LRRC37B: variants seen among roughly 807,000 people sequenced by gnomAD.
The protein encoded by LRRC37B is leucine rich repeat containing 37B.
In LRRC37B, 28 loss-of-function variants were observed where a neutral mutation model predicts 98.3. That is an observed-to-expected ratio of 0.28 (90% CI 0.21 to 0.39). The LOEUF (loss-of-function observed/expected upper bound fraction) is 0.39. Among genes scored for constraint, LRRC37B ranks in the 10% least tolerant of loss-of-function variants. The probability of loss-of-function intolerance (pLI) is 1.00; values close to 1 mark genes in which losing one functional copy is unlikely to be tolerated. For synonymous variants in LRRC37B, 364 were observed against 442.7 expected (o/e 0.82, Z 2.23); for missense variants, 938 against 1,182.7 (o/e 0.79, Z 3.03).
At chr17:32,050,535 A>C (rs528460700) in intron 11 of LRRC37B, 1 of 195,752 alleles carries the variant, frequency 5.1e-6, no homozygotes, top group East Asian at 1.3e-4. Flanking sequence ...AAAAGAGAGA[A>C]GTATTGTCTT....
chr17:32,045,687 T>G lies in LRRC37B; in HGVS notation c.2205-13T>G, dbSNP rs1234652147. On this transcript the variant is annotated splice_polypyrimidine_tract_variant and intron_variant, in intron 7 of 11. Coordinates refer to ENST00000327564, the Ensembl canonical transcript of LRRC37B. ...TTTACCACTAATTTATTGTTTTGTG[T>G]TTTCATCTATAGGATCTTACCTAGC... is the stretch of plus-strand genomic sequence containing the variant. The G allele has an allele frequency of 6.2e-7, 1 of 1,605,172 alleles. No homozygotes were observed. Among genetic ancestry groups the G allele is most frequent in the Non-Finnish European group, 8.5e-7 (1 of 1,179,414 alleles).
chr17:32,039,873 C>T (rs1455145817), intron 7 of LRRC37B: 1 of 152,046 alleles, frequency 6.6e-6, no homozygotes, highest in Non-Finnish European at 1.5e-5. Flanking sequence ...CCTCAGCCTC[C>T]TACAGCATCT....
Position 32,021,996 on chromosome 17 carries a change from G to GC in LRRC37B, c.935dup (p.Ala313SerfsTer38). ...CCAGTCCTCTTCACTCCAGGAAGAA[G>GC]CCCCAGCGCAGCTTCTACAGCTCCC... On this transcript the variant is annotated frameshift_variant, in exon 1 of 12. Transcript: ENST00000327564. LOFTEE classifies it high-confidence loss of function. 6.2e-7 allele frequency: 1 copy of GC among 1,614,044 alleles called. No individual in the cohort carries two copies. The highest frequency in any genetic ancestry group is 8.5e-7 in the Non-Finnish European group (1 of 1,179,980).
exon 1 of LRRC37B, chr17:32,021,888 C>T (rs778010939): frequency 4.3e-6 from 7 of 1,614,164 alleles, no homozygotes; most frequent in East Asian, 2.2e-5. Flanking sequence ...CGCAGATGAG[C>T]CTCCAGGGCC....
chr17:32,013,708 A>ATGTG (rs879747437), intron 1 of LRRC37B, among the ~76,000 whole-genome samples: 101 of 130,386 alleles, frequency 7.7e-4, no homozygotes, highest in African/African-American at 2.3e-3. Flanking sequence ...TTATAATTGT[A>ATGTG]TATGTGTGTG....
At chr17:32,019,920 C>T (rs1411730834), upstream of LRRC37B, among the ~76,000 whole-genome samples, 2 of 152,152 alleles carry the variant, frequency 1.3e-5, no homozygotes, top group Admixed American at 6.5e-5. Flanking sequence ...GTTGCGATCT[C>T]GGCTCACTGC....
chr17:32,008,174 C>A, intron 1 of LRRC37B, 42 bp downstream of exon 1: 1 of 245,580 alleles, frequency 4.1e-6, no homozygotes, highest in East Asian at 9.9e-5. Flanking sequence ...TTCCCCACCT[C>A]CTCTCCCCTC....
At chr17:32,047,592 T>C (rs1911624892) in intron 8 of LRRC37B, 169 bp from the exon 12 acceptor site, 2 of 922,784 alleles carry the variant, frequency 2.2e-6, no homozygotes, top group African/African-American at 1.6e-5. Context: ...CCTCCTTTCG[T>C]TGTTGCCATT....
intron 7 of LRRC37B, chr17:32,041,609 T>G (rs1334196198): frequency 3.0e-5 from 14 of 469,106 alleles, no homozygotes; most frequent in Admixed American, 4.7e-5. Context: ...GGGCTCCTGC[T>G]GCCAAGGCGG....
At chr17:32,049,981 C>CTT (rs752727279) in intron 10 of LRRC37B, 22 bp from the exon 14 acceptor site, 88 of 1,237,730 alleles carry the variant, frequency 7.1e-5, no homozygotes, top group South Asian at 1.9e-4. Context: ...TTTCTTTTTT[C>CTT]TTTTTTTTTT....
At chr17:32,028,972 C>T (rs1911035366) in intron 3 of LRRC37B, 1 of 151,884 alleles carries the variant, frequency 6.6e-6, no homozygotes, top group African/African-American at 2.4e-5. Flanking sequence ...CTCACTCCCC[C>T]AGCTATTCAT....
At chr17:32,038,672 C>T (rs112227105) in intron 7 of LRRC37B, among the ~76,000 whole-genome samples, 14,934 of 152,050 alleles carry the variant, frequency 0.098, 1,010 homozygotes, top group Middle Eastern at 0.15. Flanking sequence ...TCCTGGCCAA[C>T]GTGGCAAAAC....
exon 6 of LRRC37B, chr17:32,034,949 A>T: frequency 6.2e-7 from 1 of 1,612,218 alleles, no homozygotes; most frequent in Non-Finnish European, 8.5e-7. Flanking sequence ...TCGAAGATCC[A>T]TATCTCTTTG....
At chr17:32,031,503 T>C (rs1030516964) in intron 5 of LRRC37B, 45 bp downstream of exon 8, 104 of 772,806 alleles carry the variant, frequency 1.3e-4, no homozygotes, top group Non-Finnish European at 1.9e-4. Context: ...CTATTTTGTA[T>C]AAAAACTCAT....
intron 2 of LRRC37B, 98 bp downstream of exon 5, chr17:32,024,880 T>G (rs1276042364): frequency 9.5e-6 from 14 of 1,478,452 alleles, no homozygotes; most frequent in Non-Finnish European, 1.3e-5. Context: ...GAAAAGATAT[T>G]TCCCCTCCAT....
At chr17:32,012,699 G>C (rs1182793943) in intron 1 of LRRC37B, among the ~76,000 whole-genome samples, 1 of 150,732 alleles carries the variant, frequency 6.6e-6, no homozygotes, top group Non-Finnish European at 1.5e-5. Context: ...CTGGGAAGCA[G>C]AGCAAGACTC....
intron 1 of LRRC37B, 50 bp downstream of exon 4, chr17:32,022,875 A>T (rs1372292379): frequency 6.4e-7 from 1 of 1,571,482 alleles, no homozygotes; most frequent in Non-Finnish European, 8.7e-7. Context: ...CTGACATGGC[A>T]GCCTTTTCCT....
exon 1 of LRRC37B, chr17:32,021,869 C>T (rs1416058055): frequency 1.9e-6 from 3 of 1,614,148 alleles, no homozygotes; most frequent in Non-Finnish European, 2.5e-6. Context: ...CTCCAGAACT[C>T]CGGGTGAACG....
At chr17:32,036,781 A>G (rs1911255306) in intron 7 of LRRC37B, among the ~76,000 whole-genome samples, 1 of 152,094 alleles carries the variant, frequency 6.6e-6, no homozygotes, top group African/African-American at 2.4e-5. Flanking sequence ...AAACTCCTAA[A>G]AACACTCATA....
Sources: allele counts gnomAD v4.1 joint callset (sites outside exome capture counted in the v4.1 genomes callset), GRCh38; gene constraint gnomAD v4.1.1; transcripts MANE v1.5; gene names NCBI Gene and HGNC (gene_info 2026-07-23, HGNC 2026-07-21).